Variants in NFASC observed in about 807,000 individuals in gnomAD.
NFASC encodes the protein neurofascin homolog.
Under a neutral mutation model 147.5 loss-of-function variants are expected in NFASC, and 43 were observed. That is an observed-to-expected ratio of 0.29 (90% CI 0.23 to 0.38). The LOEUF (loss-of-function observed/expected upper bound fraction) is 0.38. Ranked by LOEUF, NFASC falls within the 10% of genes least tolerant of loss-of-function variation. The pLI, the probability that NFASC is intolerant of heterozygous loss-of-function variation, is 1.00. For synonymous variants in NFASC, 622 were observed against 665.5 expected, an observed-to-expected ratio of 0.93 and a Z score of 1.01; for missense variants, 1,320 against 1,689.0, an observed-to-expected ratio of 0.78 and a Z score of 3.83.
chr1:204,953,237 G>T, intron 5 of NFASC, among the ~76,000 whole-genome samples: 1 of 152,244 alleles, frequency 6.6e-6, no homozygotes, highest in East Asian at 1.9e-4. Flanking sequence ...CTCTTCACCA[G>T]TGGCTCAGTT....
intron 1 of NFASC, among the ~76,000 whole-genome samples, chr1:204,857,026 T>G (rs2076215670): frequency 6.6e-6 from 1 of 152,228 alleles, no homozygotes; most frequent in Non-Finnish European, 1.5e-5. Flanking sequence ...TTTCGATTCT[T>G]TGGGGCATTT....
Position 205,015,516 on chromosome 1 carries a change from G to A in NFASC, c.3492-792G>A, listed in dbSNP as rs976584613. 2.0e-5 allele frequency among the ~76,000 whole-genome samples: 3 copies of A among 152,230 alleles called. No individual in the cohort carries two copies. The highest frequency in any genetic ancestry group is 2.1e-4 in the South Asian group (1 of 4,824). ...TCCCAACTGGGTGGCTGTTCCCAGC[G>A]GCCCGTGCAGCTTTACTCGGCAGCC... is the stretch of plus-strand genomic sequence containing the variant. On this transcript the variant is annotated intron_variant, in intron 29 of 29. Transcript: ENST00000339876. The surrounding 1 kb of genome is among the most constrained non-coding windows in gnomAD (Gnocchi z 4.0).
Position 204,988,626 on chromosome 1 carries a change from T to C in NFASC, c.2594-7T>C. On this transcript the variant is annotated splice_region_variant and splice_polypyrimidine_tract_variant and intron_variant, in intron 22 of 29. Coordinates refer to ENST00000339876, the MANE Select transcript of NFASC (RefSeq NM_001005388.3). The stretch of plus-strand genomic sequence containing the variant: ...AAGTTTAATTCCACTTACCTCTCTC[T>C]CCCCAGTTAACGGGACCAAAGTAGG... The C allele has an allele frequency of 6.2e-7, 1 of 1,613,580 alleles. No individual in the cohort carries two copies. The highest frequency in any genetic ancestry group is 2.2e-5 in the East Asian group (1 of 44,878).
At chr1:204,843,368 A>C (rs1015461035) in intron 1 of NFASC, among the ~76,000 whole-genome samples, 1 of 152,212 alleles carries the variant, frequency 6.6e-6, no homozygotes, top group Non-Finnish European at 1.5e-5. Flanking sequence ...AGTTTCTCCC[A>C]ATGGTAACAT....
At chr1:204,912,388 T>G (rs1293802650) in intron 1 of NFASC, among the ~76,000 whole-genome samples, 2 of 152,126 alleles carry the variant, frequency 1.3e-5, no homozygotes, top group Non-Finnish European at 1.5e-5. Flanking sequence ...CTCTTTGAAT[T>G]ATGGATTATT....
At chr1:204,833,833 G>C (rs960769268) in intron 1 of NFASC, among the ~76,000 whole-genome samples, 4 of 152,156 alleles carry the variant, frequency 2.6e-5, no homozygotes, top group East Asian at 1.9e-4. Flanking sequence ...TTCAGACCCT[G>C]CTTCTACTAC....
intron 1 of NFASC, among the ~76,000 whole-genome samples, chr1:204,847,458 C>T (rs2075281934): frequency 6.6e-6 from 1 of 152,178 alleles, no homozygotes; most frequent in African/African-American, 2.4e-5. Context: ...TGCCCCTCCA[C>T]CTGCCTACCT....
Position 204,968,745 on chromosome 1 carries a change from G to A in NFASC, c.819-53G>A. On this transcript the variant is annotated intron_variant, in intron 9 of 29. Transcript: ENST00000339876. The surrounding 1 kb of genome is among the most constrained non-coding windows in gnomAD (Gnocchi z 5.4). ...TGGGTGTCCCCAGCTGTATAGAAGA[G>A]GAGAAAGGCCACGTTTAGTGATAAC... 1 of 1,552,414 alleles carries A rather than the reference G, an allele frequency of 6.4e-7. No individual in the cohort carries two copies. Among genetic ancestry groups the A allele is most frequent in the Non-Finnish European group, 8.7e-7 (1 of 1,143,592 alleles).
At chr1:204,875,538 A>G (rs577386336) in intron 1 of NFASC, among the ~76,000 whole-genome samples, 1 of 152,314 alleles carries the variant, frequency 6.6e-6, no homozygotes, top group South Asian at 2.1e-4. Flanking sequence ...CCCTAAAAAC[A>G]GTCTAGGAGG....
chr1:204,962,279 G>A (rs562321052), intron 8 of NFASC: 2 of 828,342 alleles, frequency 2.4e-6, no homozygotes, highest in South Asian at 1.6e-5. Context: ...AGGGTGCCAA[G>A]GTGACACCTC....
intron 2 of NFASC, among the ~76,000 whole-genome samples, chr1:204,931,607 G>GGT (rs763662089): frequency 2.0e-5 from 3 of 152,084 alleles, no homozygotes; most frequent in Non-Finnish European, 2.9e-5. Flanking sequence ...GTAATCTGTT[G>GGT]GTGTATCCCT....
rs1558549588 is a variant in NFASC, at chr1:204,877,042, TA to T, written c.-199-43589del. ...TATATATATATAATATATATTTATA[TA>T]TATATAATATATTTATTTATATATT... On this transcript the variant is annotated intron_variant, in intron 1 of 29. Coordinates refer to ENST00000339876, the MANE Select transcript of NFASC (RefSeq NM_001005388.3). Among the ~76,000 whole-genome samples the T allele has an allele frequency of 3.9e-4, 40 of 103,758 alleles. 2 individuals carry two copies. The highest frequency in any genetic ancestry group is 1.5e-3 in the Admixed American group (13 of 8,508). 68.1% of individuals were successfully genotyped at this position (103,758 alleles called of 152,430 possible). A position where few individuals can be genotyped will look rare whatever the true frequency, so the allele number is the denominator to read the frequency against.
At chr1:204,858,486 A>G (rs1572107791) in intron 1 of NFASC, among the ~76,000 whole-genome samples, 1 of 152,080 alleles carries the variant, frequency 6.6e-6, no homozygotes, top group African/African-American at 2.4e-5. Context: ...AGGGGAAGAG[A>G]GTCATGATGG....
rs141859066 is a variant in NFASC, at chr1:204,952,021, G to A, written c.120G>A (p.Pro40=). ...TGTGCACTGTTGCAGTGACGCAGCC[G>A]CCAACCATCACCAAGCAGTCAGCGA... ...DPSIQNELTQ[P]PTITKQSAKD... The change falls in exon 5 of 30, where the codon CCG becomes CCA. Residue 40 remains proline, a synonymous_variant. Transcript: ENST00000339876. 59 of 1,613,946 alleles carry A rather than the reference G, an allele frequency of 3.7e-5. 1 individual carries two copies. In the Middle Eastern group the frequency reaches 9.9e-4, roughly 27 times the overall value.
At chr1:204,885,665 A>G (rs565196651) in intron 1 of NFASC, among the ~76,000 whole-genome samples, 15 of 152,292 alleles carry the variant, frequency 9.8e-5, no homozygotes, top group Admixed American at 2.6e-4. Flanking sequence ...GGGGCCTTCT[A>G]CTGATCCTGT....
intron 28 of NFASC, among the ~76,000 whole-genome samples, chr1:205,011,174 CT>C (rs1439806900): frequency 6.6e-6 from 1 of 151,630 alleles, no homozygotes; most frequent in East Asian, 1.9e-4. Flanking sequence ...ATGCTTCCTT[CT>C]CCCCATCTCT....
intron 2 of NFASC, among the ~76,000 whole-genome samples, chr1:204,930,282 A>G (rs1311178137): frequency 1.3e-5 from 2 of 152,140 alleles, no homozygotes; most frequent in Non-Finnish European, 2.9e-5. Context: ...TGAGAAAGAA[A>G]GATGAGCATG....
chr1:205,016,193 T>A lies in NFASC; in HGVS notation c.3492-115T>A. The A allele has an allele frequency of 1.3e-6, 1 of 740,810 alleles. No individual in the cohort carries two copies. The highest frequency in any genetic ancestry group is 2.4e-6 in the Non-Finnish European group (1 of 417,890). 45.9% of individuals were successfully genotyped at this position (740,810 alleles called of 1,614,324 possible). A position where few individuals can be genotyped will look rare whatever the true frequency, so the allele number is the denominator to read the frequency against. Reference sequence around the variant, plus strand: ...GGACAGGGGAGGGTGAAGCGGGGGCTGGACTGGGCGGTCTCCTGGATCCCA... The same window carrying A: ...GGACAGGGGAGGGTGAAGCGGGGGCAGGACTGGGCGGTCTCCTGGATCCCA... On this transcript the variant is annotated intron_variant, in intron 29 of 29. Transcript: ENST00000339876. This position sits in a 1 kb window ranked among gnomAD's most constrained non-coding sequence, Gnocchi z 5.1.
chr1:205,016,833 C>A lies in NFASC; in HGVS notation c.*294C>A. 2.0e-6 allele frequency: 1 copy of A among 490,076 alleles called. No individual in the cohort carries two copies. The highest frequency in any genetic ancestry group is 3.8e-6 in the Non-Finnish European group (1 of 264,820). 30.4% of individuals were successfully genotyped at this position (490,076 alleles called of 1,614,324 possible). The stretch of plus-strand genomic sequence containing the variant: ...CTCGCAGCCACCCCGAGCGTTCCAC[C>A]ACACTGTCCGCCCTTGGCCTCGGCA... On this transcript the variant is annotated 3_prime_UTR_variant, in exon 30 of 30. Coordinates refer to ENST00000339876, the MANE Select transcript of NFASC (RefSeq NM_001005388.3). This position sits in a 1 kb window ranked among gnomAD's most constrained non-coding sequence, Gnocchi z 5.1.
Sources: gnomAD v4.1 joint callset for allele counts (sites outside exome capture counted in the v4.1 genomes callset) on GRCh38, gnomAD v4.1.1 for gene constraint, Gnocchi (gnomAD v3.1) non-coding constraint, MANE v1.5 for transcripts, NCBI Gene and HGNC (gene_info 2026-07-23, HGNC 2026-07-21) for gene names.